Variants in NELL2 observed in about 807,000 individuals in gnomAD.
NELL2 encodes the protein neural EGFL like 2, also known as protein kinase C-binding protein NELL2.
A neutral mutation model predicts 109.6 loss-of-function variants in NELL2; 41 were observed. That is an observed-to-expected ratio of 0.37 (90% CI 0.29 to 0.49). The LOEUF (loss-of-function observed/expected upper bound fraction) is 0.49. Ranked by LOEUF, NELL2 falls within the 20% of genes least tolerant of loss-of-function variation. The pLI is 0.98. For synonymous variants in NELL2, 355 were observed against 344.7 expected (o/e 1.03, Z -0.33); for missense variants, 900 against 1,008.3 (o/e 0.89, Z 1.45).
chr12:44,908,294 T>C (rs1221357045), intron 1 of NELL2, among the ~76,000 whole-genome samples: 1 of 152,016 alleles, frequency 6.6e-6, no homozygotes, highest in South Asian at 2.1e-4. Context: ...AGAGGGTATG[T>C]ACAGGGGAAT....
At chr12:44,773,345 A>G (rs771833942) in intron 9 of NELL2, among the ~76,000 whole-genome samples, 1 of 152,058 alleles carries the variant, frequency 6.6e-6, no homozygotes, top group Non-Finnish European at 1.5e-5. Flanking sequence ...GCGTAGTGGC[A>G]GGCACCTGTA....
Position 44,876,266 on chromosome 12 carries a change from AC to A in NELL2, c.-398del, listed in dbSNP as rs1190606999. On this transcript the variant is annotated 5_prime_UTR_variant, in exon 1 of 20. Transcript: ENST00000429094. The stretch of plus-strand genomic sequence containing the variant: ...AAAGCCCGGGCTGGGGCGGCCCCGC[AC>A]CCCCCCGTCTTCCCCGCCGCCCGAA... The A allele has an allele frequency of 2.2e-5, 25 of 1,143,992 alleles. No homozygotes were observed. The highest frequency in any genetic ancestry group is 4.8e-5 in the East Asian group (1 of 20,914). 70.9% of individuals were successfully genotyped at this position (1,143,992 alleles called of 1,614,324 possible). A position where few individuals can be genotyped will look rare whatever the true frequency, so the allele number is the denominator to read the frequency against.
chr12:44,524,269 C>A (rs1021880128), intron 16 of NELL2, among the ~76,000 whole-genome samples: 3 of 152,176 alleles, frequency 2.0e-5, no homozygotes, highest in Non-Finnish European at 2.9e-5. Context: ...GCAAACATAT[C>A]GTGACCCACA....
At chr12:44,816,865 C>T (rs2136687121) in intron 2 of NELL2, among the ~76,000 whole-genome samples, 1 of 152,226 alleles carries the variant, frequency 6.6e-6, no homozygotes, top group African/African-American at 2.4e-5. Context: ...ACCTCAGGAC[C>T]CAGATTATAT....
upstream of NELL2, among the ~76,000 whole-genome samples, chr12:44,880,154 GAGAA>G (rs143118080): frequency 5.1e-4 from 76 of 150,360 alleles, no homozygotes; most frequent in African/African-American, 1.3e-3. Context: ...GAGAGAGAGA[GAGAA>G]AAACAGAGAA....
chr12:44,579,028 C>T (rs1161041252), intron 15 of NELL2, among the ~76,000 whole-genome samples: 2 of 152,014 alleles, frequency 1.3e-5, no homozygotes, highest in African/African-American at 4.8e-5. Context: ...CTCAGAGAAC[C>T]CAGAGGAATG....
At chr12:44,758,464 G>T (rs1186708737) in intron 9 of NELL2, among the ~76,000 whole-genome samples, 1 of 152,146 alleles carries the variant, frequency 6.6e-6, no homozygotes, top group Non-Finnish European at 1.5e-5. Flanking sequence ...TATTATTTTT[G>T]CAGAAGATGC....
chr12:44,912,197 G>T (rs1945787717), intron 1 of NELL2, among the ~76,000 whole-genome samples: 1 of 151,898 alleles, frequency 6.6e-6, no homozygotes. Context: ...TATGAGGAGA[G>T]ACAATGGATG....
At chr12:44,821,778 T>C (rs1035161980) in intron 2 of NELL2, among the ~76,000 whole-genome samples, 5 of 151,986 alleles carry the variant, frequency 3.3e-5, no homozygotes, top group Non-Finnish European at 7.4e-5. Flanking sequence ...AGTGCAGTGA[T>C]GCAATCTCGG....
chr12:44,673,168 C>A (rs1948200824), intron 12 of NELL2, among the ~76,000 whole-genome samples: 1 of 152,134 alleles, frequency 6.6e-6, no homozygotes, highest in African/African-American at 2.4e-5. Flanking sequence ...AGGAAGAACT[C>A]CCCAAAGAGT....
intron 15 of NELL2, among the ~76,000 whole-genome samples, chr12:44,581,653 G>T (rs1460977619): frequency 1.0e-5 from 1 of 98,064 alleles, no homozygotes; most frequent in Non-Finnish European, 2.0e-5. Flanking sequence ...ATACATTCTT[G>T]AAAAAATTCA....
At chr12:44,531,898 G>C (rs375586242) in intron 16 of NELL2, among the ~76,000 whole-genome samples, 3 of 152,122 alleles carry the variant, frequency 2.0e-5, no homozygotes, top group East Asian at 3.9e-4. Context: ...AATTATTCAT[G>C]GGGCTCTGCT....
At chr12:44,538,341 C>G (rs1193977594) in intron 15 of NELL2, among the ~76,000 whole-genome samples, 1 of 152,142 alleles carries the variant, frequency 6.6e-6, no homozygotes, top group Admixed American at 6.6e-5. Context: ...TGTTAACATA[C>G]GAGGCCTCAC....
intron 9 of NELL2, among the ~76,000 whole-genome samples, chr12:44,743,864 CCTCA>C (rs1270534058): frequency 6.6e-6 from 1 of 152,090 alleles, no homozygotes; most frequent in East Asian, 1.9e-4. Context: ...GACTTTAACA[CCTCA>C]CTGTCAACAT....
intron 16 of NELL2, among the ~76,000 whole-genome samples, chr12:44,526,007 C>T (rs570927212): frequency 6.6e-6 from 1 of 152,286 alleles, no homozygotes; most frequent in Non-Finnish European, 1.5e-5. Context: ...AACAGAAGTG[C>T]TGGTATGACT....
At chr12:44,775,250 C>T (rs775412223) in intron 8 of NELL2, among the ~76,000 whole-genome samples, 26 of 147,958 alleles carry the variant, frequency 1.8e-4, no homozygotes, top group African/African-American at 4.5e-4. Context: ...CATGTGCGTG[C>T]GCACGCACAC....
chr12:44,523,441 A>T lies in NELL2; in HGVS notation c.1848T>A (p.Asp616Glu). Reference sequence around the variant, plus strand: ...CGCCATCCAAATTGAAGCAAATGGTATCATTGGCACAGCTGTGCCTCCCGG... The same window carrying T: ...CGCCATCCAAATTGAAGCAAATGGTTTCATTGGCACAGCTGTGCCTCCCGG... ...CGTGRHSCANDTICFNLDGGY... is the reference protein window; with the variant it reads ...CGTGRHSCANETICFNLDGGY... The change falls in exon 17 of 20, where the codon GAT (aspartate) becomes GAA (glutamate). Residue 616 changes from aspartate (D) to glutamate (E), a missense_variant. Coordinates refer to ENST00000429094, the MANE Select transcript of NELL2 (RefSeq NM_001145108.2). 6.2e-7 allele frequency: 1 copy of T among 1,614,110 alleles called. No homozygotes were observed. The highest frequency in any genetic ancestry group is 8.5e-7 in the Non-Finnish European group (1 of 1,180,016).
rs143598112 is a variant in NELL2 at position 44,827,389 on chromosome 12, G to C, written c.185-11253C>G. Among the ~76,000 whole-genome samples the C allele has an allele frequency of 2.8e-3, 414 of 145,778 alleles. 2 individuals carry two copies. Among genetic ancestry groups the C allele is most frequent in the African/African-American group, 9.9e-3 (394 of 39,974 alleles). ...ACTCTGTTGTGCTAGCAAATTCTAG[G>C]TCTTCTGGTCTTCTTCTAACTGTTT... is the stretch of plus-strand genomic sequence containing the variant. On this transcript the variant is annotated intron_variant, in intron 2 of 19. Transcript: ENST00000429094.
At chr12:44,595,362 T>C (rs1400890781) in intron 15 of NELL2, among the ~76,000 whole-genome samples, 1 of 152,186 alleles carries the variant, frequency 6.6e-6, no homozygotes, top group African/African-American at 2.4e-5. Flanking sequence ...ACACCTCATT[T>C]AAGAAGGAGA....
Sources: gnomAD v4.1 joint callset for allele counts (sites outside exome capture counted in the v4.1 genomes callset) on GRCh38, gnomAD v4.1.1 for gene constraint, MANE v1.5 for transcripts, NCBI Gene and HGNC (gene_info 2026-07-23, HGNC 2026-07-21) for gene names.